MAPRE1: variants seen among roughly 807,000 people sequenced by gnomAD.
MAPRE1 encodes the protein microtubule associated protein RP/EB family member 1.
A neutral mutation model predicts 32.1 loss-of-function variants in MAPRE1; 5 were observed. That is an observed-to-expected ratio of 0.16 (90% CI 0.08 to 0.33). The LOEUF is 0.33. MAPRE1 is among the 10% of genes least tolerant of loss of function. MAPRE1 has a pLI of 1.00. For missense variants in MAPRE1, 209 were observed against 327.2 expected (o/e 0.64, Z 2.79); for synonymous variants, 122 against 118.9 (o/e 1.03, Z -0.17).
chr20:32,831,418 T>A (rs1983020889), intron 2 of MAPRE1, among the ~76,000 whole-genome samples: 1 of 152,100 alleles, frequency 6.6e-6, no homozygotes, highest in Admixed American at 6.5e-5. Flanking sequence ...CTTTTTTTTT[T>A]ATTCCTGTAC....
intron 6 of MAPRE1, 27 bp from the exon 7 acceptor site, chr20:32,848,645 C>T: frequency 6.3e-7 from 1 of 1,594,402 alleles, no homozygotes; most frequent in Non-Finnish European, 8.6e-7. Context: ...CTTTCAGTGG[C>T]TTTCCCCTCT....
chr20:32,823,917 A>T (rs1395301131), intron 1 of MAPRE1, among the ~76,000 whole-genome samples: 1 of 152,172 alleles, frequency 6.6e-6, no homozygotes, highest in African/African-American at 2.4e-5. Flanking sequence ...TGGATTTCTT[A>T]ATAGAATAAA....
intron 5 of MAPRE1, among the ~76,000 whole-genome samples, chr20:32,845,413 C>A (rs1983482000): frequency 6.6e-6 from 1 of 152,126 alleles, no homozygotes. Context: ...GAAAGGCTGT[C>A]TAGAACTGTG....
At chr20:32,832,741 C>T (rs1483158056) in intron 2 of MAPRE1, among the ~76,000 whole-genome samples, 3 of 149,642 alleles carry the variant, frequency 2.0e-5, no homozygotes, top group African/African-American at 4.9e-5. Flanking sequence ...AGATTACAGG[C>T]GTGAGCTACG....
intron 1 of MAPRE1, among the ~76,000 whole-genome samples, chr20:32,825,404 T>C (rs1982816260): frequency 6.6e-6 from 1 of 152,194 alleles, no homozygotes; most frequent in Non-Finnish European, 1.5e-5. Flanking sequence ...GGGCAGTTCA[T>C]TTCAGGTCAT....
chr20:32,838,433 G>C (rs1983260375), intron 4 of MAPRE1, among the ~76,000 whole-genome samples: 1 of 152,126 alleles, frequency 6.6e-6, no homozygotes, highest in Non-Finnish European at 1.5e-5. Flanking sequence ...TAGGAATAAT[G>C]CTGCTGTGAA....
chr20:32,825,976 C>T lies in MAPRE1; in HGVS notation c.49C>T (p.Arg17Ter). The T allele has an allele frequency of 1.2e-6, 2 of 1,610,334 alleles. No individual in the cohort carries two copies. Among genetic ancestry groups the T allele is most frequent in the South Asian group, 1.1e-5 (1 of 90,840 alleles). ...STSVTSDNLS[R>*]HDMLAWINES... is the part of the protein sequence containing the mutation. ...GTCAGTGACCAGTGATAACCTAAGT[C>T]GACATGACATGCTGGCCTGGATCAA... Residue 17 changes from arginine to a stop codon, truncating the protein, a stop_gained, in exon 2 of 7, where the codon CGA (arginine) becomes TGA (stop). Coordinates refer to ENST00000375571, the MANE Select transcript of MAPRE1 (RefSeq NM_012325.3). LOFTEE classifies it high-confidence loss of function.
intron 1 of MAPRE1, among the ~76,000 whole-genome samples, chr20:32,824,681 G>GTTTT (rs11482252): frequency 7.1e-6 from 1 of 139,988 alleles, no homozygotes; most frequent in Non-Finnish European, 1.6e-5. Context: ...AGAATTTATA[G>GTTTT]TTTTTTTTTT....
intron 1 of MAPRE1, among the ~76,000 whole-genome samples, chr20:32,823,956 G>A (rs117337055): frequency 2.0e-5 from 3 of 152,258 alleles, no homozygotes; most frequent in Admixed American, 2.0e-4. Flanking sequence ...CCCACCTCAG[G>A]CTCTGCTCTC....
intron 3 of MAPRE1, 114 bp downstream of exon 3, chr20:32,833,976 TA>T: frequency 9.3e-7 from 1 of 1,072,120 alleles, no homozygotes; most frequent in Non-Finnish European, 1.3e-6. Context: ...TTTATCTAGT[TA>T]ACTTTTCTCA....
At chr20:32,843,289 A>T (rs955007999) in intron 5 of MAPRE1, 1 of 152,118 alleles carries the variant, frequency 6.6e-6, no homozygotes, top group African/African-American at 2.4e-5. Flanking sequence ...AATATGGAAA[A>T]TGGAGCCACG....
chr20:32,840,353 T>C, intron 5 of MAPRE1, among the ~76,000 whole-genome samples: 1 of 152,202 alleles, frequency 6.6e-6, no homozygotes, highest in East Asian at 1.9e-4. Flanking sequence ...TTAAGGCACC[T>C]GTCAGAGGTC....
intron 2 of MAPRE1, among the ~76,000 whole-genome samples, chr20:32,831,064 A>AT (rs1983007750): frequency 6.6e-6 from 1 of 151,938 alleles, no homozygotes; most frequent in African/African-American, 2.4e-5. Context: ...CACCTCCTTG[A>AT]TTTTTCCCTT....
At chr20:32,832,568 A>G (rs1033261995) in intron 2 of MAPRE1, among the ~76,000 whole-genome samples, 4 of 151,118 alleles carry the variant, frequency 2.6e-5, no homozygotes, top group Non-Finnish European at 5.9e-5. Flanking sequence ...CTTGGGCTCA[A>G]GTGATCCTCC....
At chr20:32,820,603 C>T (rs1201833400) in intron 1 of MAPRE1, among the ~76,000 whole-genome samples, 3 of 152,204 alleles carry the variant, frequency 2.0e-5, no homozygotes, top group African/African-American at 7.2e-5. Context: ...GGACTCCCTC[C>T]TTTCTTCAGT....
chr20:32,845,177 A>T (rs1413942071), intron 5 of MAPRE1, among the ~76,000 whole-genome samples: 2 of 152,138 alleles, frequency 1.3e-5, no homozygotes, highest in African/African-American at 4.8e-5. Context: ...AGTATCTGGT[A>T]CTATAGGCAT....
At chr20:32,824,920 G>A (rs931927068) in intron 1 of MAPRE1, among the ~76,000 whole-genome samples, 2 of 151,910 alleles carry the variant, frequency 1.3e-5, no homozygotes, top group African/African-American at 4.8e-5. Context: ...GGGAGGCCTA[G>A]GTGGGTGGAT....
intron 2 of MAPRE1, among the ~76,000 whole-genome samples, chr20:32,830,734 T>G (rs1467129781): frequency 2.1e-5 from 3 of 142,700 alleles, no homozygotes; most frequent in Non-Finnish European, 4.5e-5. Flanking sequence ...AAGTATCTCT[T>G]CAAACTTTTT....
intron 2 of MAPRE1, among the ~76,000 whole-genome samples, chr20:32,828,602 C>T (rs1322411003): frequency 6.6e-6 from 1 of 152,200 alleles, no homozygotes. Flanking sequence ...ATACCTGGCC[C>T]ACTTGTTGGC....
Sources: allele counts gnomAD v4.1 joint callset (sites outside exome capture counted in the v4.1 genomes callset), GRCh38; gene constraint gnomAD v4.1.1; transcripts MANE v1.5; gene names NCBI Gene and HGNC (gene_info 2026-07-23, HGNC 2026-07-21).